The following CES5A variants were observed in gnomAD, a reference collection of about 807,000 sequenced individuals.
The protein encoded by CES5A is carboxylesterase 5A.
In CES5A, 67 loss-of-function variants were observed where a neutral mutation model predicts 62.9. That is an observed-to-expected ratio of 1.07 (90% CI 0.88 to 1.31). CES5A has a LOEUF of 1.31. CES5A is among the 50% of genes most tolerant of loss of function. The pLI is 0.00. For synonymous variants in CES5A, 296 were observed against 280.8 expected, an observed-to-expected ratio of 1.05 and a Z score of -0.54; for missense variants, 748 against 708.5, an observed-to-expected ratio of 1.06 and a Z score of -0.63.
intron 1 of CES5A, among the ~76,000 whole-genome samples, chr16:55,892,654 A>G: frequency 6.6e-6 from 1 of 152,072 alleles, no homozygotes; most frequent in East Asian, 1.9e-4. Context: ...TAAGAGCACT[A>G]ATGGAATTTT....
chr16:55,884,125 G>A (rs1218733987), intron 1 of CES5A, among the ~76,000 whole-genome samples: 4 of 152,218 alleles, frequency 2.6e-5, no homozygotes, highest in East Asian at 3.8e-4. Flanking sequence ...GCAATTGTGC[G>A]AAGTCCTTCT....
chr16:55,932,014 C>T lies in CES5A; in HGVS notation c.160+17771G>A, dbSNP rs184350283. 5.1e-4 allele frequency among the ~76,000 whole-genome samples: 78 copies of T among 152,266 alleles called. 1 individual carries two copies. The East Asian group carries it at 0.012, about 23-fold the overall frequency. ...CCTCATTGGGTCATGAGGGCTATGC[C>T]TTCATAAATGGATTAATTCACTCAA... is the stretch of plus-strand genomic sequence containing the variant. On this transcript the variant is annotated intron_variant, in intron 2 of 13. Transcript: ENST00000521992.
At chr16:55,897,955 A>G (rs781492883) in intron 1 of CES5A, among the ~76,000 whole-genome samples, 50 of 152,222 alleles carry the variant, frequency 3.3e-4, no homozygotes, top group Non-Finnish European at 5.7e-4. Flanking sequence ...AAGTCAAACT[A>G]AAAAAGCCAA....
At chr16:55,900,458 C>T (rs2033979234) in intron 1 of CES5A, among the ~76,000 whole-genome samples, 1 of 152,096 alleles carries the variant, frequency 6.6e-6, no homozygotes, top group African/African-American at 2.4e-5. Flanking sequence ...ATAGCTCTGC[C>T]CCAATGGATA....
At chr16:55,883,572 C>T (rs1481618606) in intron 1 of CES5A, among the ~76,000 whole-genome samples, 3 of 152,192 alleles carry the variant, frequency 2.0e-5, no homozygotes, top group Non-Finnish European at 4.4e-5. Context: ...TGCACCCGGG[C>T]CACCGTTGCA....
chr16:55,846,490 G>T lies in CES5A; in HGVS notation c.1689C>A (p.Leu563=). 1 of 1,614,056 alleles carries T rather than the reference G, an allele frequency of 6.2e-7. No homozygotes were observed. Among genetic ancestry groups the T allele is most frequent in the Non-Finnish European group, 8.5e-7 (1 of 1,179,922 alleles). The change falls in exon 13 of 13, where the codon CTC becomes CTA. Residue 563 remains leucine (L), a synonymous_variant. Transcript: ENST00000290567. Reference sequence around the variant, plus strand: ...AGAAAAAGAAAGGCTGGAGGAGAGAGAGGAAAGTTAAGGAAGAAAGAGGAC... The same window carrying T: ...AGAAAAAGAAAGGCTGGAGGAGAGATAGGAAAGTTAAGGAAGAAAGAGGAC... The part of the protein sequence containing the change: ...LHSPLSSLTF[L]SLLQPFFFFC...
intron 1 of CES5A, among the ~76,000 whole-genome samples, chr16:55,914,611 C>T (rs1459592374): frequency 1.3e-5 from 2 of 152,194 alleles, no homozygotes; most frequent in Admixed American, 1.3e-4. Flanking sequence ...CTAAGACTCA[C>T]TGCATCAGAA....
intron 1 of CES5A, among the ~76,000 whole-genome samples, chr16:55,901,060 C>T (rs1404738026): frequency 6.6e-6 from 1 of 152,132 alleles, no homozygotes; most frequent in African/African-American, 2.4e-5. Context: ...TGAATTGTAG[C>T]CTCCCATAAT....
chr16:55,889,542 G>A (rs1305691638), intron 1 of CES5A, among the ~76,000 whole-genome samples: 1 of 152,156 alleles, frequency 6.6e-6, no homozygotes, highest in Non-Finnish European at 1.5e-5. Context: ...GATGCACAGA[G>A]CAAGGTATCT....
Position 55,863,453 on chromosome 16 carries a change from C to G in CES5A, c.706-1G>C. The stretch of plus-strand genomic sequence containing the variant: ...AGCCTTTGGCCATGGGAGACAGTAT[C>G]TGGAGAGAGAACACAGAAGACCCAG... On this transcript the variant is annotated splice_acceptor_variant, in intron 5 of 12. Transcript: ENST00000290567. LOFTEE classifies it high-confidence loss of function. The G allele has an allele frequency of 6.6e-7, 1 of 1,516,832 alleles. No individual in the cohort carries two copies. The highest frequency in any genetic ancestry group is 9.1e-7 in the Non-Finnish European group (1 of 1,093,074). The allele number at this position is 1,516,832 out of a possible 1,614,324, so 94.0% of individuals were successfully genotyped here. A position where few individuals can be genotyped will look rare whatever the true frequency, so the allele number is the denominator to read the frequency against.
At chr16:55,928,479 G>A (rs73555822), upstream of CES5A, among the ~76,000 whole-genome samples, 431 of 152,238 alleles carry the variant, frequency 2.8e-3, 2 homozygotes, top group African/African-American at 0.01. Context: ...AATGTACACA[G>A]TTCAGGTGAC....
intron 9 of CES5A, among the ~76,000 whole-genome samples, chr16:55,854,130 A>T (rs569615424): frequency 1.3e-5 from 2 of 152,272 alleles, no homozygotes; most frequent in South Asian, 4.1e-4. Context: ...GTGGAGTCTC[A>T]GGTGAGTCCT....
chr16:55,846,734 C>A, intron 12 of CES5A, 34 bp downstream of exon 12: 2 of 1,613,522 alleles, frequency 1.2e-6, no homozygotes, highest in Non-Finnish European at 1.7e-6. Context: ...ACACCCCAGG[C>A]CTTGGCATGG....
chr16:55,955,881 G>T (rs1371638301), exon 1 of CES5A: 1 of 1,536,106 alleles, frequency 6.5e-7, no homozygotes, highest in Admixed American at 2.0e-5. Context: ...AACCAGAACA[G>T]CCATCAGACT....
At chr16:55,933,899 C>T (rs763155201) in intron 2 of CES5A, among the ~76,000 whole-genome samples, 7 of 152,132 alleles carry the variant, frequency 4.6e-5, no homozygotes, top group South Asian at 2.1e-4. Context: ...ACCTCTCTTT[C>T]GTAACCCTTG....
chr16:55,913,056 G>T (rs181338000), intron 1 of CES5A, among the ~76,000 whole-genome samples: 1 of 152,306 alleles, frequency 6.6e-6, no homozygotes, highest in African/African-American at 2.4e-5. Context: ...ATGCAGAGCT[G>T]GTTGTGCGGG....
intron 2 of CES5A, chr16:55,944,212 C>G (rs537867629): frequency 3.0e-6 from 2 of 664,674 alleles, no homozygotes; most frequent in African/African-American, 3.6e-5. Flanking sequence ...GCTGACAGTA[C>G]GACTCTGAAC....
At position 55,871,717 on chromosome 16, in the gene CES5A, T is replaced by C; in HGVS notation, c.325A>G (p.Lys109Glu). ...EWLLLDQHML[K>E]VHYPKFGVSE... ...ACTCCGAATTTCGGGTAATGCACCT[T>C]GAGCATATGTTGATCTAAGAGCAGC... The change falls in exon 3 of 13, where the codon AAG becomes GAG. Residue 109 changes from lysine (K) to glutamate (E), a missense_variant. Transcript: ENST00000290567. The C allele has an allele frequency of 1.2e-6, 2 of 1,614,114 alleles. No individual in the cohort carries two copies. The highest frequency in any genetic ancestry group is 1.3e-5 in the African/African-American group (1 of 75,046).
At chr16:55,916,539 A>T (rs2034150275) in intron 1 of CES5A, among the ~76,000 whole-genome samples, 1 of 152,178 alleles carries the variant, frequency 6.6e-6, no homozygotes, top group African/African-American at 2.4e-5. Context: ...TGCAAAAGCG[A>T]TTTCATTAAC....
Sources: allele counts gnomAD v4.1 joint callset (sites outside exome capture counted in the v4.1 genomes callset), GRCh38; gene constraint gnomAD v4.1.1; transcripts MANE v1.5; gene names NCBI Gene and HGNC (gene_info 2026-07-23, HGNC 2026-07-21).